Variants in RACGAP1 observed in about 807,000 individuals in gnomAD.
RACGAP1 encodes Rac GTPase activating protein 1, also known as rac GTPase-activating protein 1.
A neutral mutation model predicts 78.1 loss-of-function variants in RACGAP1; 30 were observed. The ratio of observed to expected loss-of-function variants is 0.38; its 90% confidence interval spans 0.29 to 0.52. The LOEUF (loss-of-function observed/expected upper bound fraction) is 0.52. Ranked by LOEUF, RACGAP1 falls within the 20% of genes least tolerant of loss-of-function variation. The pLI is 0.82. For synonymous variants in RACGAP1, 231 were observed against 264.8 expected, an observed-to-expected ratio of 0.87 and a Z score of 1.24; for missense variants, 587 against 777.1, an observed-to-expected ratio of 0.76 and a Z score of 2.91.
intron 2 of RACGAP1, among the ~76,000 whole-genome samples, chr12:50,014,556 C>T (rs1949539757): frequency 6.6e-6 from 1 of 152,068 alleles, no homozygotes; most frequent in South Asian, 2.1e-4. Context: ...GCATGTGTCA[C>T]CACACCCAGC....
chr12:50,022,140 C>T (rs1241997425), intron 1 of RACGAP1, among the ~76,000 whole-genome samples: 1 of 152,190 alleles, frequency 6.6e-6, no homozygotes, highest in Non-Finnish European at 1.5e-5. Context: ...TCTGGTCTTC[C>T]ATCCTTCAAG....
rs1361452374 is a variant in RACGAP1, at chr12:49,990,243, T to A, written c.*25A>T. The A allele has an allele frequency of 6.3e-7, 1 of 1,589,658 alleles. No homozygotes were observed. The highest frequency in any genetic ancestry group is 2.2e-5 in the East Asian group (1 of 44,740). ...GTCCTTTCTTATAGTCAGTCAATGC[T>A]GGGAAGTAACAGGCAGATGTGACTT... On this transcript the variant is annotated 3_prime_UTR_variant, in exon 17 of 17. Transcript: ENST00000312377.
chr12:50,029,310 C>T (rs749326260), upstream of RACGAP1, among the ~76,000 whole-genome samples: 9 of 150,458 alleles, frequency 6.0e-5, no homozygotes, highest in Non-Finnish European at 8.9e-5. Flanking sequence ...CACTTGAACC[C>T]GGCAGGCAGA....
intron 2 of RACGAP1, among the ~76,000 whole-genome samples, chr12:50,012,435 C>T (rs1488496702): frequency 1.3e-5 from 2 of 152,072 alleles, no homozygotes; most frequent in African/African-American, 4.8e-5. Context: ...GTGGCACATG[C>T]CTGTAATCCC....
chr12:50,027,599 G>C (rs972214945), upstream of RACGAP1, among the ~76,000 whole-genome samples: 1 of 152,078 alleles, frequency 6.6e-6, no homozygotes, highest in African/African-American at 2.4e-5. Context: ...AAGCCGAGGC[G>C]GGTGGATCGT....
At chr12:50,000,730 G>T (rs374590766) in intron 7 of RACGAP1, among the ~76,000 whole-genome samples, 2 of 152,074 alleles carry the variant, frequency 1.3e-5, no homozygotes, top group South Asian at 2.1e-4. Flanking sequence ...CCATTCATAG[G>T]GATAAGGATC....
upstream of RACGAP1, among the ~76,000 whole-genome samples, chr12:50,028,186 A>T (rs74370164): frequency 3.3e-5 from 5 of 152,336 alleles, no homozygotes; most frequent in East Asian, 7.7e-4. Context: ...GATGACAAGG[A>T]GGGGACAGGT....
chr12:50,015,935 C>G (rs1031402141), intron 2 of RACGAP1, among the ~76,000 whole-genome samples: 9 of 151,422 alleles, frequency 5.9e-5, no homozygotes, highest in African/African-American at 2.2e-4. Flanking sequence ...ATTTTTCCCA[C>G]TTCAACTGAA....
chr12:50,028,586 T>C (rs538455984), upstream of RACGAP1, among the ~76,000 whole-genome samples: 3 of 151,816 alleles, frequency 2.0e-5, no homozygotes, highest in Non-Finnish European at 4.4e-5. Flanking sequence ...CTGGCCAACA[T>C]GGTGAAAACC....
intron 8 of RACGAP1, 95 bp downstream of exon 8, chr12:49,999,521 T>G: frequency 8.6e-7 from 1 of 1,156,936 alleles, no homozygotes; most frequent in Non-Finnish European, 1.3e-6. Context: ...ACCCAATACA[T>G]CCAATCCCCG....
At chr12:50,002,426 G>A in intron 5 of RACGAP1, 126 bp from the exon 6 acceptor site, 1 of 686,874 alleles carries the variant, frequency 1.5e-6, no homozygotes, top group Non-Finnish European at 2.4e-6. Context: ...AATTCGGGGA[G>A]GGTTAGAGAA....
At chr12:50,016,252 G>A (rs1430088452) in intron 2 of RACGAP1, among the ~76,000 whole-genome samples, 12 of 152,096 alleles carry the variant, frequency 7.9e-5, no homozygotes, top group East Asian at 1.9e-4. Context: ...GCGTGGTGGC[G>A]TGTGTCTGTA....
chr12:49,991,270 C>G (rs952297000), intron 15 of RACGAP1, among the ~76,000 whole-genome samples: 2 of 151,304 alleles, frequency 1.3e-5, no homozygotes, highest in Admixed American at 1.3e-4. Context: ...ATTCAGTGAT[C>G]CCACTCTTAG....
chr12:49,992,340 T>C lies in RACGAP1; in HGVS notation c.1483A>G (p.Asn495Asp). Residue 495 changes from asparagine to aspartate, a missense_variant, in exon 14 of 17, where the codon AAT (asparagine) becomes GAT (aspartate). Physicochemically the swap from Asn to Asp is conservative, Grantham distance 23 (BLOSUM62 1). Transcript: ENST00000312377. ...GTAGGGCCAAAGACTTTAGCCAGAT[T>C]GGCAACATCCATTTTAGTATGTGGA... is the stretch of plus-strand genomic sequence containing the variant. ...QSPHTKMDVA[N>D]LAKVFGPTIV... The C allele has an allele frequency of 7.4e-6, 12 of 1,614,218 alleles. No individual in the cohort carries two copies. Among genetic ancestry groups the C allele is most frequent in the Non-Finnish European group, 1.0e-5 (12 of 1,180,026 alleles).
chr12:49,992,515 C>A lies in RACGAP1; in HGVS notation c.1445+35G>T, dbSNP rs200762803. 1.1e-3 allele frequency: 1,697 copies of A among 1,598,718 alleles called. 6 individuals carry two copies. The highest frequency in any genetic ancestry group is 1.3e-3 in the Non-Finnish European group (1,486 of 1,170,796). On this transcript the variant is annotated intron_variant, in intron 13 of 16. Transcript: ENST00000312377. ...ATTATCTTCCCCTTGGAAAAAAATT[C>A]CCTAACTCCCAGAACAAGTTTCTGC...
chr12:50,026,457 A>AGAT (rs1950268186), upstream of RACGAP1, among the ~76,000 whole-genome samples: 1 of 152,224 alleles, frequency 6.6e-6, no homozygotes. Context: ...GATCTATTGT[A>AGAT]CAACACAGTG....
At position 49,992,394 on chromosome 12, in the gene RACGAP1, T is replaced by G. The variant is rs1374669460; in HGVS notation, c.1446-17A>C. 1 of 1,611,688 alleles carries G rather than the reference T, an allele frequency of 6.2e-7. No homozygotes were observed. Among genetic ancestry groups the G allele is most frequent in the African/African-American group, 1.3e-5 (1 of 74,972 alleles). On this transcript the variant is annotated splice_polypyrimidine_tract_variant and intron_variant, in intron 13 of 16. Coordinates refer to ENST00000312377, the MANE Select transcript of RACGAP1 (RefSeq NM_001319999.2). ...TGAGCCACTCTAAGCAAAAGAATATTAAATTAGAAGTCTTGCTCCTTGCTT... is the reference window on the plus strand; with the variant it reads ...TGAGCCACTCTAAGCAAAAGAATATGAAATTAGAAGTCTTGCTCCTTGCTT...
chr12:49,990,767 A>G lies in RACGAP1; in HGVS notation c.1740T>C (p.Thr580=). 1 of 1,614,060 alleles carries G rather than the reference A, an allele frequency of 6.2e-7. No individual in the cohort carries two copies. Reference sequence around the variant, plus strand: ...GAGTCTTGAGAAGCTGATGTTCAGGAGTGGTCACAGGTCCCAGTAAACTCA... The same window carrying G: ...GAGTCTTGAGAAGCTGATGTTCAGGGGTGGTCACAGGTCCCAGTAAACTCA... ...IKVSLLGPVT[T]PEHQLLKTPS... Residue 580 remains threonine, a synonymous_variant, in exon 16 of 17, where the codon ACT becomes ACC. Coordinates refer to ENST00000312377, the MANE Select transcript of RACGAP1 (RefSeq NM_001319999.2).
intron 2 of RACGAP1, among the ~76,000 whole-genome samples, chr12:50,031,095 G>GA (rs531311334): frequency 6.6e-6 from 1 of 150,812 alleles, no homozygotes; most frequent in African/African-American, 2.4e-5. Context: ...AAATAAACTT[G>GA]AAAAAAAATG....
Sources: gnomAD v4.1 joint callset for allele counts (sites outside exome capture counted in the v4.1 genomes callset) on GRCh38, gnomAD v4.1.1 for gene constraint, MANE v1.5 for transcripts, NCBI Gene and HGNC (gene_info 2026-07-23, HGNC 2026-07-21) for gene names.